TRDN: variants seen among roughly 807,000 people sequenced by gnomAD.
TRDN encodes triadin in skeletal muscle.
A neutral mutation model predicts 149.7 loss-of-function variants in TRDN; 161 were observed. That is an observed-to-expected ratio of 1.08 (90% confidence interval 0.95 to 1.23). The LOEUF is 1.23. TRDN is among the 50% of genes most tolerant of loss of function. The pLI, the probability that TRDN is intolerant of heterozygous loss-of-function variation, is 0.00. For missense variants in TRDN, 896 were observed against 823.5 expected (o/e 1.09, Z -1.08); for synonymous variants, 294 against 250.5 (o/e 1.17, Z -1.64).
In TRDN at chr6:123,252,546, T is replaced by A. The variant is rs1311466532; in HGVS notation, c.1952-111A>T. ...ATTATTTTGTTTCTTGCTTATTATT[T>A]AAGAATCAATGAAGAAATACAGTCA... On this transcript the variant is annotated intron_variant, in intron 37 of 40. Coordinates refer to ENST00000334268, the MANE Select transcript of TRDN (RefSeq NM_006073.4). 5 of 550,806 alleles carry A rather than the reference T, an allele frequency of 9.1e-6. No individual in the cohort carries two copies. The Admixed American group carries it at 9.5e-5, about 10-fold the overall frequency. The allele number at this position is 550,806 out of a possible 1,614,324, so 34.1% of individuals were successfully genotyped here.
At chr6:123,247,373 A>G (rs1314649026) in intron 38 of TRDN, among the ~76,000 whole-genome samples, 2 of 152,144 alleles carry the variant, frequency 1.3e-5, no homozygotes, top group Non-Finnish European at 2.9e-5. Context: ...CCAAAAACTC[A>G]TTTAGCTAAT....
intron 1 of TRDN, among the ~76,000 whole-genome samples, chr6:123,587,585 A>G (rs1783560781): frequency 6.6e-6 from 1 of 152,192 alleles, no homozygotes; most frequent in African/African-American, 2.4e-5. Flanking sequence ...AGGTCCCCTG[A>G]TCTGAGTCGC....
chr6:123,264,017 C>T (rs1346990574), intron 33 of TRDN, among the ~76,000 whole-genome samples: 6 of 152,026 alleles, frequency 3.9e-5, no homozygotes, highest in Admixed American at 3.3e-4. Flanking sequence ...CTCAAGAGCT[C>T]TAATGGAGCT....
intron 19 of TRDN, 66 bp downstream of exon 19, chr6:123,375,539 T>C: frequency 5.8e-6 from 8 of 1,369,978 alleles, no homozygotes; most frequent in Non-Finnish European, 8.0e-6. Context: ...GCATAGTCTA[T>C]AGCAGAAAAT....
intron 1 of TRDN, among the ~76,000 whole-genome samples, chr6:123,576,920 T>G (rs1027878597): frequency 2.6e-5 from 4 of 151,750 alleles, no homozygotes; most frequent in Non-Finnish European, 4.4e-5. Flanking sequence ...ACATGTGACA[T>G]CAGTTTACAT....
chr6:123,286,225 C>A (rs1184073900), intron 24 of TRDN, among the ~76,000 whole-genome samples: 1 of 152,032 alleles, frequency 6.6e-6, no homozygotes, highest in Non-Finnish European at 1.5e-5. Flanking sequence ...CTTGCACAGA[C>A]ATGGTTATAG....
At position 123,218,238 on chromosome 6, in the gene TRDN, A is replaced by T. The variant is rs1487921184; in HGVS notation, c.*363T>A. 1 of 160,392 alleles carries T rather than the reference A, an allele frequency of 6.2e-6. No homozygotes were observed. The highest frequency in any genetic ancestry group is 1.4e-5 in the Non-Finnish European group (1 of 73,712). The allele number at this position is 160,392 out of a possible 1,614,324, so 9.9% of individuals were successfully genotyped here. The stretch of plus-strand genomic sequence containing the variant: ...CACAGTCTATGTTGTCATTAAAAAA[A>T]TAATAGCTAACTGAAGCCAGGAATT... On this transcript the variant is annotated 3_prime_UTR_variant, in exon 41 of 41. Transcript: ENST00000334268.
intron 1 of TRDN, among the ~76,000 whole-genome samples, chr6:123,622,318 GAC>G (rs67160946): frequency 0.084 from 10,319 of 123,282 alleles, 912 homozygotes; most frequent in African/African-American, 0.26. Flanking sequence ...TATATATACA[GAC>G]ACACACACAC....
chr6:123,519,531 C>T (rs1779573901), intron 5 of TRDN, among the ~76,000 whole-genome samples: 1 of 149,688 alleles, frequency 6.7e-6, no homozygotes, highest in African/African-American at 2.5e-5. Flanking sequence ...ATCATGGGAG[C>T]CAGGTTATCA....
intron 9 of TRDN, among the ~76,000 whole-genome samples, chr6:123,490,879 C>T (rs569456091): frequency 2.4e-4 from 37 of 152,122 alleles, no homozygotes; most frequent in African/African-American, 2.7e-4. Flanking sequence ...CCGAGGTGGG[C>T]GGATCACGAG....
intron 18 of TRDN, 132 bp from the exon 19 acceptor site, chr6:123,375,763 T>C: frequency 1.4e-6 from 1 of 697,894 alleles, no homozygotes; most frequent in Non-Finnish European, 2.2e-6. Context: ...AAAAATAAGA[T>C]CTGAGAAAAG....
chr6:123,573,889 T>G (rs73539145), intron 1 of TRDN, among the ~76,000 whole-genome samples: 8,899 of 152,078 alleles, frequency 0.059, 351 homozygotes, highest in African/African-American at 0.091. Flanking sequence ...TTTTTAAGTA[T>G]TGGAGAAAGA....
chr6:123,526,434 A>G (rs1779953356), intron 5 of TRDN, among the ~76,000 whole-genome samples: 1 of 152,036 alleles, frequency 6.6e-6, no homozygotes, highest in African/African-American at 2.4e-5. Context: ...GCAGGCACCA[A>G]AGAACAAAAA....
At chr6:123,402,641 G>C (rs1773027896) in intron 12 of TRDN, among the ~76,000 whole-genome samples, 1 of 152,146 alleles carries the variant, frequency 6.6e-6, no homozygotes. Flanking sequence ...TTACACGGCA[G>C]TGTTTTGAAG....
intron 24 of TRDN, among the ~76,000 whole-genome samples, chr6:123,298,896 A>T (rs539316750): frequency 4.4e-4 from 67 of 152,188 alleles, no homozygotes; most frequent in African/African-American, 1.6e-3. Flanking sequence ...TGAAAACAAA[A>T]CATGTATAAG....
At chr6:123,269,100 A>T (rs1023958608) in intron 31 of TRDN, among the ~76,000 whole-genome samples, 3 of 152,022 alleles carry the variant, frequency 2.0e-5, no homozygotes, top group African/African-American at 7.2e-5. Flanking sequence ...GTGTTTCACA[A>T]ATGTACACCA....
chr6:123,303,566 T>G (rs1475192919), intron 24 of TRDN, among the ~76,000 whole-genome samples: 1 of 152,118 alleles, frequency 6.6e-6, no homozygotes, highest in Non-Finnish European at 1.5e-5. Flanking sequence ...GTTGATGAAA[T>G]TCGAGGTTAG....
At chr6:123,484,830 A>G (rs1777909086) in intron 9 of TRDN, among the ~76,000 whole-genome samples, 1 of 152,302 alleles carries the variant, frequency 6.6e-6, no homozygotes, top group African/African-American at 2.4e-5. Context: ...TTCTGGACAT[A>G]GAGGATGTAA....
chr6:123,366,305 T>G lies in TRDN; in HGVS notation c.1274-123A>C, dbSNP rs1366388602. On this transcript the variant is annotated intron_variant, in intron 19 of 40. Coordinates refer to ENST00000334268, the MANE Select transcript of TRDN (RefSeq NM_006073.4). ...TTGCACATGAGAGCAAAGCAAGCTGTAGAGAAAGCCAAAATACAAAGTGCT... is the reference window on the plus strand; with the variant it reads ...TTGCACATGAGAGCAAAGCAAGCTGGAGAGAAAGCCAAAATACAAAGTGCT... 6.2e-6 allele frequency: 5 copies of G among 811,230 alleles called. No homozygotes were observed. The East Asian group carries it at 1.4e-4, about 23-fold the overall frequency. 50.3% of individuals were successfully genotyped at this position (811,230 alleles called of 1,614,324 possible).
Sources: gnomAD v4.1 joint callset for allele counts (sites outside exome capture counted in the v4.1 genomes callset) on GRCh38, gnomAD v4.1.1 for gene constraint, MANE v1.5 for transcripts, NCBI Gene and HGNC (gene_info 2026-07-23, HGNC 2026-07-21) for gene names.